Variants in GLB1 observed in about 807,000 individuals in gnomAD.
GLB1 encodes the protein beta-galactosidase.
Under a neutral mutation model 74.0 loss-of-function variants are expected in GLB1, and 56 were observed. That is an observed-to-expected ratio of 0.76 (90% CI 0.61 to 0.94). GLB1 has a LOEUF of 0.94. Ranked by LOEUF, GLB1 falls within the 40% of genes least tolerant of loss-of-function variation. GLB1 has a pLI of 0.00. For missense variants in GLB1, 787 were observed against 845.5 expected, an observed-to-expected ratio of 0.93 and a Z score of 0.86; for synonymous variants, 323 against 323.6, an observed-to-expected ratio of 1.00 and a Z score of 0.02.
At chr3:32,984,941 C>T in the GLB1 span, among the ~76,000 whole-genome samples, 2 of 127,584 alleles carry the variant, frequency 1.6e-5, no homozygotes, top group Admixed American at 8.0e-5. Context: ...GACTCTGTCT[C>T]AAAAAAAAAA....
intron 1 of GLB1, chr3:33,090,556 G>A: frequency 5.1e-6 from 5 of 985,326 alleles, no homozygotes; most frequent in Non-Finnish European, 6.0e-6. Context: ...AGAAACAAAT[G>A]AAATTGAAAG....
intron 1 of GLB1, among the ~76,000 whole-genome samples, chr3:33,073,495 C>G (rs1031039723): frequency 6.6e-6 from 1 of 152,118 alleles, no homozygotes; most frequent in African/African-American, 2.4e-5. Context: ...CAAGACCAGC[C>G]TGGCCAACAT....
intron 10 of GLB1, among the ~76,000 whole-genome samples, chr3:33,025,810 G>A (rs1575422726): frequency 6.6e-6 from 1 of 152,294 alleles, no homozygotes; most frequent in South Asian, 2.1e-4. Flanking sequence ...ATGTCCCCGA[G>A]GCAGCTGACT....
chr3:33,039,058 G>A (rs544468537), intron 10 of GLB1, among the ~76,000 whole-genome samples: 3 of 152,144 alleles, frequency 2.0e-5, no homozygotes, highest in Non-Finnish European at 2.9e-5. Flanking sequence ...TTGGGAGGCC[G>A]AAGTGGGCAG....
the GLB1 span, among the ~76,000 whole-genome samples, chr3:32,985,747 G>A: frequency 1.3e-5 from 2 of 151,718 alleles, no homozygotes; most frequent in Non-Finnish European, 2.9e-5. Context: ...ACTCTGTTAC[G>A]CAGATTTCAG....
chr3:32,976,419 C>T, the GLB1 span, among the ~76,000 whole-genome samples: 2 of 152,198 alleles, frequency 1.3e-5, no homozygotes, highest in African/African-American at 4.8e-5. Context: ...CACATGCAGA[C>T]ACAACCCACA....
intron 11 of GLB1, 77 bp from the exon 12 acceptor site, chr3:33,021,732 T>C: frequency 1.3e-6 from 2 of 1,517,378 alleles, no homozygotes; most frequent in East Asian, 2.3e-5. Context: ...TCCCTAATTA[T>C]CAAAGACATC....
At chr3:33,056,189 T>C (rs1699208900) in intron 6 of GLB1, among the ~76,000 whole-genome samples, 1 of 135,408 alleles carries the variant, frequency 7.4e-6, no homozygotes, top group Admixed American at 8.6e-5. Context: ...ATCGGGTCGT[T>C]GCACTCCAGC....
chr3:33,091,972 T>C, intron 1 of GLB1: 2 of 984,398 alleles, frequency 2.0e-6, no homozygotes, highest in Non-Finnish European at 2.4e-6. Flanking sequence ...CTCCTACATA[T>C]CTTGTCATAC....
At chr3:33,031,221 G>A (rs1292763421) in intron 10 of GLB1, among the ~76,000 whole-genome samples, 4 of 152,130 alleles carry the variant, frequency 2.6e-5, no homozygotes, top group African/African-American at 9.7e-5. Flanking sequence ...AGTCTTTGAT[G>A]AAGGAAGGAG....
At chr3:33,020,133 G>A (rs1187577441) in intron 12 of GLB1, among the ~76,000 whole-genome samples, 1 of 152,204 alleles carries the variant, frequency 6.6e-6, no homozygotes, top group Non-Finnish European at 1.5e-5. Flanking sequence ...ATAGATGTGG[G>A]TGCTAGGACT....
rs780714398 is a variant in GLB1 at position 33,014,069 on chromosome 3, G to C, written c.1721C>G (p.Pro574Arg). 1.9e-6 allele frequency: 3 copies of C among 1,614,192 alleles called. No homozygotes were observed. In the South Asian group the frequency reaches 3.3e-5, roughly 18 times the overall value. ...DLPQDTFIQF[P>R]GWTKGQVWIN... Reference sequence around the variant, plus strand: ...GAAGACACGTACCTTGGTCCATCCAGGAAACTGGATAAAGGTGTCCTGGGG... The same window carrying C: ...GAAGACACGTACCTTGGTCCATCCACGAAACTGGATAAAGGTGTCCTGGGG... Residue 574 changes from proline to arginine, a missense_variant, in exon 15 of 16, where the codon CCT becomes CGT. Physicochemically the swap from Pro to Arg is moderately radical, Grantham distance 103. Transcript: ENST00000307363.
chr3:33,074,590 G>A (rs890964523), intron 1 of GLB1, among the ~76,000 whole-genome samples: 1 of 151,326 alleles, frequency 6.6e-6, no homozygotes, highest in Non-Finnish European at 1.5e-5. Context: ...TGAAAGGCAA[G>A]ACCTCAACGG....
intron 15 of GLB1, among the ~76,000 whole-genome samples, chr3:33,001,685 C>T (rs1039171701): frequency 2.0e-5 from 3 of 152,158 alleles, no homozygotes; most frequent in Non-Finnish European, 2.9e-5. Flanking sequence ...ATTCTCCGCA[C>T]GCAGGAGAGT....
chr3:33,050,304 C>G (rs1698922164), intron 9 of GLB1, among the ~76,000 whole-genome samples: 1 of 152,136 alleles, frequency 6.6e-6, no homozygotes, highest in South Asian at 2.1e-4. Flanking sequence ...GGTATACACC[C>G]AAAGGAACTG....
intron 2 of GLB1, among the ~76,000 whole-genome samples, chr3:33,069,584 T>C (rs780223292): frequency 6.6e-6 from 1 of 152,186 alleles, no homozygotes; most frequent in Non-Finnish European, 1.5e-5. Context: ...TACAGATTAA[T>C]TTGTAGATTA....
At chr3:32,969,070 C>T in the GLB1 span, among the ~76,000 whole-genome samples, 2 of 152,156 alleles carry the variant, frequency 1.3e-5, no homozygotes, top group Non-Finnish European at 2.9e-5. Context: ...GTTCTCAAGC[C>T]GGAGAGATTT....
chr3:33,014,957 A>G (rs766360182), intron 14 of GLB1, among the ~76,000 whole-genome samples: 6 of 152,100 alleles, frequency 3.9e-5, no homozygotes, highest in Non-Finnish European at 7.4e-5. Context: ...TCAGAGCGAC[A>G]CTCCATCTCA....
At chr3:33,057,531 T>C (rs977625922) in intron 6 of GLB1, among the ~76,000 whole-genome samples, 1 of 152,208 alleles carries the variant, frequency 6.6e-6, no homozygotes, top group African/African-American at 2.4e-5. Flanking sequence ...CAGCACTGTG[T>C]AAGGAATCTG....
Sources: allele counts gnomAD v4.1 joint callset (sites outside exome capture counted in the v4.1 genomes callset), GRCh38; gene constraint gnomAD v4.1.1; transcripts MANE v1.5; gene names NCBI Gene and HGNC (gene_info 2026-07-23, HGNC 2026-07-21).